The following RIN2 variants were observed in gnomAD, a reference collection of about 807,000 sequenced individuals.
RIN2 encodes the protein Ras and Rab interactor 2, also known as RAB5 interacting protein 2.
RIN2 carries 36 observed loss-of-function variants against 78.0 expected under a neutral mutation model. The observed-to-expected ratio is 0.46, with a 90% CI of 0.35 to 0.61. The LOEUF (loss-of-function observed/expected upper bound fraction) is 0.61. RIN2 is among the 20% of genes least tolerant of loss of function. The pLI is 0.00. For synonymous variants in RIN2, 466 were observed against 466.8 expected (o/e 1.00, Z 0.02); for missense variants, 1,087 against 1,159.7 (o/e 0.94, Z 0.91).
intron 1 of RIN2, among the ~76,000 whole-genome samples, chr20:19,773,513 G>T (rs1422989102): frequency 2.0e-5 from 3 of 152,178 alleles, no homozygotes; most frequent in Non-Finnish European, 2.9e-5. Context: ...TTCTGCTGTT[G>T]TTGGGGAGGC....
chr20:19,988,761 A>G (rs1390271239), intron 9 of RIN2, among the ~76,000 whole-genome samples: 1 of 152,226 alleles, frequency 6.6e-6, no homozygotes, highest in East Asian at 1.9e-4. Flanking sequence ...CACATTTCAC[A>G]CATTTTTAAC....
intron 3 of RIN2, among the ~76,000 whole-genome samples, chr20:19,902,258 C>T (rs2039022567): frequency 6.6e-6 from 1 of 152,112 alleles, no homozygotes; most frequent in African/African-American, 2.4e-5. Flanking sequence ...CATTGGACTC[C>T]TCCGACTCTC....
rs142357840 is a variant in RIN2, at chr20:19,875,752, G to A, written c.-36-13814G>A. 1.7e-4 allele frequency among the ~76,000 whole-genome samples: 26 copies of A among 152,146 alleles called. No homozygotes were observed. The East Asian group carries it at 2.3e-3, about 14-fold the overall frequency. Reference sequence around the variant, plus strand: ...TGCAGACATTTAAATCACTCAACACGTTCCCAGCAGAATGTGTCCTTTGGT... The same window carrying A: ...TGCAGACATTTAAATCACTCAACACATTCCCAGCAGAATGTGTCCTTTGGT... On this transcript the variant is annotated intron_variant, in intron 2 of 12. Coordinates refer to ENST00000255006, the MANE Select transcript of RIN2 (RefSeq NM_018993.4).
At chr20:19,909,263 G>A (rs180846424) in intron 3 of RIN2, among the ~76,000 whole-genome samples, 7 of 151,974 alleles carry the variant, frequency 4.6e-5, no homozygotes, top group South Asian at 4.2e-4. Flanking sequence ...AATCCCCCTC[G>A]TTGTCTCCTC....
At chr20:19,963,436 C>T (rs2041830726) in intron 6 of RIN2, among the ~76,000 whole-genome samples, 1 of 151,878 alleles carries the variant, frequency 6.6e-6, no homozygotes, top group South Asian at 2.1e-4. Context: ...ATGGAGAAAC[C>T]CCGTCTCTAC....
chr20:19,920,385 CA>C (rs1290128047), intron 3 of RIN2, among the ~76,000 whole-genome samples: 2 of 151,924 alleles, frequency 1.3e-5, no homozygotes, highest in Non-Finnish European at 2.9e-5. Context: ...AAGCCACAGG[CA>C]GGAGTATGGT....
In RIN2 at chr20:19,955,345, T is replaced by A. The variant is rs184230463; in HGVS notation, c.159-1270T>A. ...TAAGAATAGATTACTCTTTTTTTTT[T>A]CTTTTTTTGAGACAGGGCCTCACTC... is the stretch of plus-strand genomic sequence containing the variant. On this transcript the variant is annotated intron_variant, in intron 4 of 12. Coordinates refer to ENST00000255006, the MANE Select transcript of RIN2 (RefSeq NM_018993.4). 1.6e-4 allele frequency among the ~76,000 whole-genome samples: 25 copies of A among 152,260 alleles called. No individual in the cohort carries two copies. In the East Asian group the frequency reaches 4.2e-3, roughly 26 times the overall value.
At chr20:19,802,493 A>G (rs1280857712) in intron 2 of RIN2, among the ~76,000 whole-genome samples, 1 of 150,006 alleles carries the variant, frequency 6.7e-6, no homozygotes, top group East Asian at 1.9e-4. Flanking sequence ...AAAAAAGTAT[A>G]CCTAGAGTTC....
intron 3 of RIN2, among the ~76,000 whole-genome samples, chr20:19,900,376 C>A (rs1214792420): frequency 6.6e-6 from 1 of 151,914 alleles, no homozygotes; most frequent in Non-Finnish European, 1.5e-5. Flanking sequence ...CCCAGTTACT[C>A]AGGAGGCGAG....
Position 19,953,219 on chromosome 20 carries a change from A to G in RIN2, c.159-3396A>G, listed in dbSNP as rs1342300252. Reference sequence around the variant, plus strand: ...AGTGGAAGGATCTCGGCTCACTGCAACCTCCACCTCCCATGTTCAAGGCTG... The same window carrying G: ...AGTGGAAGGATCTCGGCTCACTGCAGCCTCCACCTCCCATGTTCAAGGCTG... On this transcript the variant is annotated intron_variant, in intron 4 of 12. Coordinates refer to ENST00000255006, the MANE Select transcript of RIN2 (RefSeq NM_018993.4). Among the ~76,000 whole-genome samples, 4 of 151,818 alleles carry G rather than the reference A, an allele frequency of 2.6e-5. No homozygotes were observed. In the East Asian group the frequency reaches 7.7e-4, roughly 29 times the overall value.
chr20:19,964,996 C>T lies in RIN2; in HGVS notation c.508C>T (p.Arg170Trp), dbSNP rs377681843. 4.1e-5 allele frequency: 66 copies of T among 1,613,382 alleles called. No individual in the cohort carries two copies. The highest frequency in any genetic ancestry group is 3.3e-4 in the African/African-American group (25 of 74,894). ...GSGISFADLF[R>W]LIAFYCISRD... ...AGGAATCAGTTTCGCAGATTTATTC[C>T]GGCTCATTGCTTTCTACTGCATCAG... is the stretch of plus-strand genomic sequence containing the variant. The change falls in exon 7 of 13, where the codon CGG becomes TGG. Residue 170 changes from arginine to tryptophan, a missense_variant. Coordinates refer to ENST00000255006, the MANE Select transcript of RIN2 (RefSeq NM_018993.4).
intron 2 of RIN2, chr20:19,823,302 T>G (rs2035983397): frequency 1.7e-6 from 1 of 585,074 alleles, no homozygotes; most frequent in Non-Finnish European, 3.0e-6. Flanking sequence ...ATCTGGGGAC[T>G]GAATGAAGTT....
intron 1 of RIN2, among the ~76,000 whole-genome samples, chr20:19,768,522 G>T (rs557098256): frequency 6.6e-6 from 1 of 152,192 alleles, no homozygotes; most frequent in South Asian, 2.1e-4. Context: ...CCCAGGTGCT[G>T]GCTGTGGCTT....
At chr20:19,885,550 C>T (rs531943796) in intron 2 of RIN2, among the ~76,000 whole-genome samples, 2 of 47,120 alleles carry the variant, frequency 4.2e-5, no homozygotes, top group African/African-American at 1.5e-4. Flanking sequence ...GCCTGTAATC[C>T]TGGCTACTTG....
chr20:19,873,817 C>T (rs1349163409), intron 2 of RIN2, among the ~76,000 whole-genome samples: 2 of 152,108 alleles, frequency 1.3e-5, no homozygotes, highest in African/African-American at 2.4e-5. Context: ...ACAGTTGATC[C>T]TCATTATTTG....
At chr20:19,837,501 CAT>C (rs980024827) in intron 2 of RIN2, among the ~76,000 whole-genome samples, 61 of 152,118 alleles carry the variant, frequency 4.0e-4, no homozygotes, top group African/African-American at 1.1e-3. Context: ...AAATTAATCA[CAT>C]GTCTTTTCTA....
intron 2 of RIN2, among the ~76,000 whole-genome samples, chr20:19,841,377 T>C (rs1407105051): frequency 6.6e-6 from 1 of 152,136 alleles, no homozygotes; most frequent in African/African-American, 2.4e-5. Flanking sequence ...TTGAAGTGAA[T>C]TAAATCTATA....
At chr20:19,874,605 C>T (rs34034870) in intron 2 of RIN2, among the ~76,000 whole-genome samples, 24,610 of 152,136 alleles carry the variant, frequency 0.16, 2,507 homozygotes, top group East Asian at 0.27. Context: ...CAGTACCTGT[C>T]TCCTTCCCTA....
At chr20:19,964,368 C>T (rs2041868916) in intron 6 of RIN2, among the ~76,000 whole-genome samples, 1 of 152,182 alleles carries the variant, frequency 6.6e-6, no homozygotes, top group Non-Finnish European at 1.5e-5. Flanking sequence ...CTCGGCCTCC[C>T]AAAGTGCTGG....
Sources: allele counts gnomAD v4.1 joint callset (sites outside exome capture counted in the v4.1 genomes callset), GRCh38; gene constraint gnomAD v4.1.1; transcripts MANE v1.5; gene names NCBI Gene and HGNC (gene_info 2026-07-23, HGNC 2026-07-21).